FHIT: variants seen among roughly 807,000 people sequenced by gnomAD.
FHIT encodes the protein fragile histidine triad diadenosine triphosphatase.
A neutral mutation model predicts 17.9 loss-of-function variants in FHIT; 19 were observed. The ratio of observed to expected loss-of-function variants is 1.06; its 90% confidence interval spans 0.74 to 1.56. The LOEUF is 1.56. Ranked by LOEUF, FHIT falls within the 40% of genes most tolerant of loss-of-function variation. The pLI, the probability that FHIT is intolerant of heterozygous loss-of-function variation, is 0.00. For missense variants in FHIT, 248 were observed against 189.2 expected, an observed-to-expected ratio of 1.31 and a Z score of -1.82; for synonymous variants, 81 against 69.7, an observed-to-expected ratio of 1.16 and a Z score of -0.81.
chr3:60,135,940 T>C (rs1215156958), intron 5 of FHIT, among the ~76,000 whole-genome samples: 3 of 152,052 alleles, frequency 2.0e-5, no homozygotes, highest in Non-Finnish European at 4.4e-5. Context: ...CCACCAACAA[T>C]GCTCTCATTT....
chr3:59,817,129 A>G (rs1040371130), intron 8 of FHIT, among the ~76,000 whole-genome samples: 2 of 152,182 alleles, frequency 1.3e-5, no homozygotes, highest in Non-Finnish European at 2.9e-5. Flanking sequence ...TTTTTGCATT[A>G]AGTTTCTAAA....
At chr3:59,890,492 C>T (rs1282644046) in intron 8 of FHIT, among the ~76,000 whole-genome samples, 2 of 152,218 alleles carry the variant, frequency 1.3e-5, no homozygotes, top group South Asian at 4.2e-4. Context: ...TGTGCTGCCT[C>T]GGTTCATTTC....
chr3:59,945,879 T>C (rs1181481384), intron 7 of FHIT, among the ~76,000 whole-genome samples: 1 of 152,204 alleles, frequency 6.6e-6, no homozygotes, highest in Non-Finnish European at 1.5e-5. Context: ...TCTGTTCCAT[T>C]GGTCTGTGAG....
intron 7 of FHIT, among the ~76,000 whole-genome samples, chr3:59,998,006 A>C (rs1365592615): frequency 6.6e-6 from 1 of 152,188 alleles, no homozygotes; most frequent in African/African-American, 2.4e-5. Context: ...TAATTAGGAC[A>C]GTTAGCAGTA....
chr3:61,066,479 G>A (rs1057113100), intron 2 of FHIT, among the ~76,000 whole-genome samples: 1 of 152,102 alleles, frequency 6.6e-6, no homozygotes, highest in Non-Finnish European at 1.5e-5. Flanking sequence ...GCCTTGCGTA[G>A]TGACATACAC....
At chr3:60,319,186 T>C (rs1183233882) in intron 5 of FHIT, among the ~76,000 whole-genome samples, 1 of 152,156 alleles carries the variant, frequency 6.6e-6, no homozygotes, top group Non-Finnish European at 1.5e-5. Context: ...ATGGACATAC[T>C]TGGGGGCCAT....
chr3:59,934,570 G>T (rs1299552040), intron 7 of FHIT, among the ~76,000 whole-genome samples: 1 of 152,100 alleles, frequency 6.6e-6, no homozygotes, highest in African/African-American at 2.4e-5. Flanking sequence ...AGATGTATTA[G>T]TCTGTTCTCA....
intron 5 of FHIT, among the ~76,000 whole-genome samples, chr3:60,016,557 G>A (rs934612566): frequency 6.6e-6 from 1 of 152,164 alleles, no homozygotes; most frequent in Non-Finnish European, 1.5e-5. Context: ...GGACAGAGTA[G>A]CTGACCTTGA....
Position 60,426,016 on chromosome 3 carries a change from G to A in FHIT, c.103+110844C>T, listed in dbSNP as rs574165412. ...ATAACAATACAAGGGGTGTCACAAG[G>A]CCTCACACAAGTCATGACCAACAGA... On this transcript the variant is annotated intron_variant, in intron 5 of 9. Coordinates refer to ENST00000492590, the MANE Select transcript of FHIT (RefSeq NM_002012.4). Among the ~76,000 whole-genome samples, 6 of 152,206 alleles carry A rather than the reference G, an allele frequency of 3.9e-5. No homozygotes were observed. The South Asian group carries it at 1.2e-3, about 32-fold the overall frequency.
intron 5 of FHIT, among the ~76,000 whole-genome samples, chr3:60,422,830 G>A (rs2107268782): frequency 6.6e-6 from 1 of 152,064 alleles, no homozygotes. Flanking sequence ...TTAAGAATGA[G>A]ATCCAAATTC....
At chr3:60,265,728 TAATA>T (rs1706540430) in intron 5 of FHIT, among the ~76,000 whole-genome samples, 1 of 151,926 alleles carries the variant, frequency 6.6e-6, no homozygotes, top group African/African-American at 2.4e-5. Context: ...TTCAACTCAA[TAATA>T]AATAGATGAT....
In FHIT at chr3:60,596,695, A is replaced by C. The variant is rs111632576; in HGVS notation, c.-17-59716T>G. ...TAATGGCTAAATCTCATCCACCTTT[A>C]TATCTCCAAGTCTAACAATAGTACT... On this transcript the variant is annotated intron_variant, in intron 4 of 9. Transcript: ENST00000492590. Among the ~76,000 whole-genome samples, 260 of 152,152 alleles carry C rather than the reference A, an allele frequency of 1.7e-3. 1 individual carries two copies. Among genetic ancestry groups the C allele is most frequent in the African/African-American group, 6.1e-3 (252 of 41,526 alleles).
rs77292512 is a variant in FHIT, at chr3:61,001,893, C to T, written c.-111+40154G>A. 5.4e-3 allele frequency among the ~76,000 whole-genome samples: 821 copies of T among 152,250 alleles called. 6 individuals are homozygous for T. Among genetic ancestry groups the T allele is most frequent in the African/African-American group, 0.019 (803 of 41,536 alleles). ...AATTTCTTGGTTTTTATATTGTCCT[C>T]TAGTTAGGCAAGATATTAACATTGG... On this transcript the variant is annotated intron_variant, in intron 3 of 9. Transcript: ENST00000492590.
At chr3:60,562,364 C>T (rs1011689890) in intron 4 of FHIT, among the ~76,000 whole-genome samples, 2 of 152,072 alleles carry the variant, frequency 1.3e-5, no homozygotes, top group Non-Finnish European at 2.9e-5. Flanking sequence ...TGGGATAATG[C>T]CATTGAGAGT....
intron 3 of FHIT, among the ~76,000 whole-genome samples, chr3:61,000,266 C>G (rs1007684661): frequency 6.6e-5 from 10 of 152,162 alleles, no homozygotes; most frequent in East Asian, 1.9e-4. Context: ...AAAGGAGGAC[C>G]TGAGCAGTGC....
chr3:60,318,111 C>G (rs1228154561), intron 5 of FHIT, among the ~76,000 whole-genome samples: 1 of 151,936 alleles, frequency 6.6e-6, no homozygotes, highest in African/African-American at 2.4e-5. Flanking sequence ...GCATCTTAAA[C>G]AAAAGCAAAA....
At chr3:60,337,538 G>C (rs965234198) in intron 5 of FHIT, among the ~76,000 whole-genome samples, 1 of 152,114 alleles carries the variant, frequency 6.6e-6, no homozygotes, top group Non-Finnish European at 1.5e-5. Flanking sequence ...GTTTTGTCAT[G>C]ACACATACAA....
At chr3:61,237,111 C>T (rs1009061591) in intron 1 of FHIT, among the ~76,000 whole-genome samples, 7 of 152,164 alleles carry the variant, frequency 4.6e-5, no homozygotes, top group African/African-American at 1.7e-4. Context: ...ATTAAATGTA[C>T]ATCCATCTTA....
At chr3:59,885,452 T>C (rs1425243443) in intron 8 of FHIT, among the ~76,000 whole-genome samples, 3 of 151,980 alleles carry the variant, frequency 2.0e-5, no homozygotes, top group African/African-American at 7.3e-5. Context: ...TTTTTTTTTT[T>C]TTTTTTAACG....
Sources: gnomAD v4.1 joint callset for allele counts (sites outside exome capture counted in the v4.1 genomes callset) on GRCh38, gnomAD v4.1.1 for gene constraint, MANE v1.5 for transcripts, NCBI Gene and HGNC (gene_info 2026-07-23, HGNC 2026-07-21) for gene names.